The following RALYL variants were observed in gnomAD, a reference collection of about 807,000 sequenced individuals.
The protein encoded by RALYL is RNA-binding Raly-like protein.
A neutral mutation model predicts 35.1 loss-of-function variants in RALYL; 29 were observed. The ratio of observed to expected loss-of-function variants is 0.83; its 90% CI spans 0.61 to 1.13. The LOEUF is 1.13. Among genes scored for constraint, RALYL ranks in the 50% most tolerant of loss-of-function variants. RALYL has a pLI of 0.00. For missense variants in RALYL, 359 were observed against 360.4 expected, an observed-to-expected ratio of 1.00 and a Z score of 0.03; for synonymous variants, 120 against 127.6, an observed-to-expected ratio of 0.94 and a Z score of 0.40.
At chr8:84,590,055 G>A (rs1014631970) in intron 2 of RALYL, among the ~76,000 whole-genome samples, 1 of 152,102 alleles carries the variant, frequency 6.6e-6, no homozygotes, top group African/African-American at 2.4e-5. Context: ...CCTTTGTTCT[G>A]TACATTTTGG....
intron 1 of RALYL, among the ~76,000 whole-genome samples, chr8:84,514,337 T>C (rs1291200044): frequency 1.3e-5 from 2 of 152,150 alleles, no homozygotes; most frequent in Non-Finnish European, 2.9e-5. Flanking sequence ...ATGTTTAAAA[T>C]TTAACAATAG....
intron 1 of RALYL, among the ~76,000 whole-genome samples, chr8:84,198,164 G>A (rs191323677): frequency 1.3e-5 from 2 of 152,266 alleles, no homozygotes; most frequent in African/African-American, 2.4e-5. Flanking sequence ...CTCTAAAAAT[G>A]TGAAAAGGAA....
chr8:84,196,224 T>G (rs947455558), intron 1 of RALYL, among the ~76,000 whole-genome samples: 1 of 152,166 alleles, frequency 6.6e-6, no homozygotes, highest in African/African-American at 2.4e-5. Flanking sequence ...TCTTTTTCCC[T>G]GTTCTAGTCC....
chr8:84,290,667 G>T (rs1379835537), intron 1 of RALYL, among the ~76,000 whole-genome samples: 1 of 152,160 alleles, frequency 6.6e-6, no homozygotes, highest in Non-Finnish European at 1.5e-5. Flanking sequence ...CTTCTTTTGT[G>T]ATTCTTCAGT....
Position 84,770,939 on chromosome 8 carries a change from T to C in RALYL, c.257-3640T>C, listed in dbSNP as rs1041484029. On this transcript the variant is annotated intron_variant, in intron 2 of 8. Coordinates refer to ENST00000521268, the MANE Select transcript of RALYL (RefSeq NM_173848.7). ...ATTTGTTTGAGTTCTTTGTAGATTC[T>C]CGATTTTAGTCCTTTGACAGATGTA... 7.9e-5 allele frequency among the ~76,000 whole-genome samples: 12 copies of C among 152,316 alleles called. No homozygotes were observed. In the East Asian group the frequency reaches 2.3e-3, roughly 29 times the overall value.
At chr8:84,682,858 C>T (rs1389352664) in intron 2 of RALYL, among the ~76,000 whole-genome samples, 2 of 151,810 alleles carry the variant, frequency 1.3e-5, no homozygotes, top group African/African-American at 4.8e-5. Flanking sequence ...CTGCTCTGAC[C>T]TTAGTTATTT....
chr8:84,728,924 G>T (rs1306924140), intron 2 of RALYL, among the ~76,000 whole-genome samples: 1 of 152,142 alleles, frequency 6.6e-6, no homozygotes, highest in Non-Finnish European at 1.5e-5. Context: ...CTCCAGCTTT[G>T]TTCTTTTGGC....
intron 1 of RALYL, among the ~76,000 whole-genome samples, chr8:84,425,531 C>A (rs1195160495): frequency 6.6e-6 from 1 of 152,208 alleles, no homozygotes; most frequent in Non-Finnish European, 1.5e-5. Context: ...ACGCTGGGAG[C>A]TGTAGACTGG....
intron 2 of RALYL, among the ~76,000 whole-genome samples, chr8:84,720,384 CA>C (rs1843669785): frequency 6.6e-6 from 1 of 152,012 alleles, no homozygotes; most frequent in African/African-American, 2.4e-5. Context: ...ACAAAAATGT[CA>C]AGAACATGTA....
rs1315486357 is a variant in RALYL, at chr8:84,386,980, G to A, written c.-23-142319G>A. 2.6e-5 allele frequency among the ~76,000 whole-genome samples: 4 copies of A among 151,824 alleles called. No individual in the cohort carries two copies. The South Asian group carries it at 6.2e-4, about 24-fold the overall frequency. On this transcript the variant is annotated intron_variant, in intron 1 of 8. Coordinates refer to ENST00000521268, the MANE Select transcript of RALYL (RefSeq NM_173848.7). ...GTGTCTTGTGAAATCTCTTTTAGCC[G>A]TTAGTGCTGTTAAATTATTGGTTCC...
At chr8:84,728,950 C>G (rs549441903) in intron 2 of RALYL, among the ~76,000 whole-genome samples, 1 of 152,112 alleles carries the variant, frequency 6.6e-6, no homozygotes, top group Non-Finnish European at 1.5e-5. Flanking sequence ...ATTGACTTAG[C>G]AATGTGGGCT....
intron 3 of RALYL, among the ~76,000 whole-genome samples, chr8:84,792,028 A>T (rs1820899865): frequency 6.6e-6 from 1 of 152,226 alleles, no homozygotes; most frequent in Non-Finnish European, 1.5e-5. Context: ...AGCCAAAGCA[A>T]GCACCCCTGG....
chr8:84,740,498 C>T (rs569850233), intron 2 of RALYL, among the ~76,000 whole-genome samples: 1 of 152,066 alleles, frequency 6.6e-6, no homozygotes, highest in Admixed American at 6.6e-5. Flanking sequence ...AAAAGTCAGT[C>T]ATTTAAAGGT....
chr8:84,266,827 G>T (rs1188956839), intron 1 of RALYL, among the ~76,000 whole-genome samples: 1 of 151,952 alleles, frequency 6.6e-6, no homozygotes, highest in African/African-American at 2.4e-5. Context: ...GGGCGTGGTA[G>T]CGGGCGCCTG....
chr8:84,368,293 A>G lies in RALYL; in HGVS notation c.-23-161006A>G, dbSNP rs369142508. On this transcript the variant is annotated intron_variant, in intron 1 of 8. Transcript: ENST00000521268. ...GTGTATATTACAAACGTAGTTTAAA[A>G]TTTTACATATAATTTATTTGTAGGG... Among the ~76,000 whole-genome samples, 167 of 152,344 alleles carry G rather than the reference A, an allele frequency of 1.1e-3. 5 individuals are homozygous for G. The South Asian group carries it at 0.033, about 30-fold the overall frequency.
At chr8:84,901,501 G>T (rs1845674791) in intron 8 of RALYL, among the ~76,000 whole-genome samples, 1 of 152,136 alleles carries the variant, frequency 6.6e-6, no homozygotes, top group Admixed American at 6.5e-5. Context: ...AAGGGCTATT[G>T]CAAGGCGGGA....
chr8:84,735,504 T>A (rs143197866), intron 2 of RALYL, among the ~76,000 whole-genome samples: 1 of 151,964 alleles, frequency 6.6e-6, no homozygotes, highest in Non-Finnish European at 1.5e-5. Context: ...GAGTTTCCCA[T>A]GTGCTAACTG....
At chr8:84,364,909 G>A (rs1169755678) in intron 1 of RALYL, among the ~76,000 whole-genome samples, 2 of 152,068 alleles carry the variant, frequency 1.3e-5, no homozygotes, top group East Asian at 3.9e-4. Flanking sequence ...AGGTATAGAA[G>A]TTTAGAGATA....
At chr8:84,532,173 T>C (rs1402440218) in intron 2 of RALYL, among the ~76,000 whole-genome samples, 1 of 152,098 alleles carries the variant, frequency 6.6e-6, no homozygotes, top group Non-Finnish European at 1.5e-5. Flanking sequence ...TTAAAATTTA[T>C]CTAACAACTT....
Sources: gnomAD v4.1 joint callset for allele counts (sites outside exome capture counted in the v4.1 genomes callset) on GRCh38, gnomAD v4.1.1 for gene constraint, MANE v1.5 for transcripts, NCBI Gene and HGNC (gene_info 2026-07-23, HGNC 2026-07-21) for gene names.